Variants in SUMF1 observed in about 807,000 individuals in gnomAD.
SUMF1 encodes formylglycine-generating enzyme.
Under a neutral mutation model 47.6 loss-of-function variants are expected in SUMF1, and 48 were observed. The observed-to-expected ratio is 1.01, with a 90% CI of 0.80 to 1.28. SUMF1 has a LOEUF of 1.28. SUMF1 is among the 50% of genes most tolerant of loss of function. The probability of loss-of-function intolerance (pLI) is 0.00; values close to 1 mark genes in which losing one functional copy is unlikely to be tolerated. For missense variants in SUMF1, 571 were observed against 485.4 expected (o/e 1.18, Z -1.66); for synonymous variants, 230 against 192.1 (o/e 1.20, Z -1.63).
intron 8 of SUMF1, among the ~76,000 whole-genome samples, chr3:4,166,731 T>C (rs1694715280): frequency 6.6e-6 from 1 of 151,848 alleles, no homozygotes; most frequent in South Asian, 2.1e-4. Context: ...ACTTTAAGAG[T>C]TCCACTTATG....
intron 8 of SUMF1, among the ~76,000 whole-genome samples, chr3:4,151,821 A>T (rs933412189): frequency 1.3e-5 from 2 of 151,450 alleles, no homozygotes; most frequent in South Asian, 2.1e-4. Context: ...GGGTTAGACA[A>T]GCTTGATATA....
intron 8 of SUMF1, among the ~76,000 whole-genome samples, chr3:4,288,680 C>A (rs918783100): frequency 2.0e-5 from 3 of 152,020 alleles, no homozygotes; most frequent in Non-Finnish European, 4.4e-5. Context: ...CACCTGTAAT[C>A]CCAGCTACTC....
chr3:4,374,032 C>A (rs1297271818), intron 8 of SUMF1, among the ~76,000 whole-genome samples: 1 of 152,098 alleles, frequency 6.6e-6, no homozygotes, highest in Non-Finnish European at 1.5e-5. Flanking sequence ...AAAAAACTTT[C>A]TCAAGCTGTA....
rs780942634 is a variant in SUMF1 at position 4,313,504 on chromosome 3, G to A, written c.1014+62826C>T. On this transcript the variant is annotated intron_variant and NMD_transcript_variant, in intron 8 of 12. Coordinates refer to the SUMF1 transcript ENST00000448413. ...TTTTGCAGCCAAAGATATTGTGCCAGAAGAAGAACTCTCTTATGATTATTC... is the reference window on the plus strand; with the variant it reads ...TTTTGCAGCCAAAGATATTGTGCCAAAAGAAGAACTCTCTTATGATTATTC... 18 of 1,613,636 alleles carry A rather than the reference G, an allele frequency of 1.1e-5. No homozygotes were observed. The highest frequency in any genetic ancestry group is 1.6e-4 in the Middle Eastern group (1 of 6,080).
intron 8 of SUMF1, among the ~76,000 whole-genome samples, chr3:4,336,606 T>C (rs1398344889): frequency 6.6e-6 from 1 of 152,244 alleles, no homozygotes; most frequent in Non-Finnish European, 1.5e-5. Context: ...CAACACAATT[T>C]ATGATTTTGC....
At chr3:4,273,685 A>G (rs1364947010) in intron 8 of SUMF1, among the ~76,000 whole-genome samples, 5 of 136,448 alleles carry the variant, frequency 3.7e-5, no homozygotes, top group Non-Finnish European at 7.8e-5. Context: ...AGAAAGAAGG[A>G]AGGGAGGGAG....
In SUMF1 at chr3:4,377,227, A is replaced by C. The variant is rs191791194; in HGVS notation, c.955-838T>G. ...CTTTATTAAGATATAATTAATATAC[A>C]GTAAAATTCATCCTTTTTAAGTGCA... On this transcript the variant is annotated intron_variant, in intron 7 of 8. Coordinates refer to ENST00000272902, the MANE Select transcript of SUMF1 (RefSeq NM_182760.4). 1.1e-4 allele frequency among the ~76,000 whole-genome samples: 16 copies of C among 152,352 alleles called. No homozygotes were observed. The East Asian group carries it at 2.7e-3, about 26-fold the overall frequency.
chr3:4,213,325 C>G (rs1185796721), intron 8 of SUMF1, among the ~76,000 whole-genome samples: 1 of 151,862 alleles, frequency 6.6e-6, no homozygotes, highest in African/African-American at 2.4e-5. Context: ...CTTCATAAGC[C>G]AAGGAGAAAT....
rs61296884 is a variant in SUMF1, at chr3:4,442,638, G to GAAAAAAAA, written c.519+6620_519+6627dup. On this transcript the variant is annotated intron_variant, in intron 3 of 8. Transcript: ENST00000272902. ...AAATAGAGGGACAAGAGAGAAAAAG[G>GAAAAAAAA]AAAAAAAAAAAAAAGAGAGAGAAAA... Among the ~76,000 whole-genome samples the GAAAAAAAA allele has an allele frequency of 1.5e-3, 94 of 61,306 alleles. 3 individuals carry two copies. The highest frequency in any genetic ancestry group is 4.2e-3 in the African/African-American group (91 of 21,902). 40.2% of individuals were successfully genotyped at this position (61,306 alleles called of 152,430 possible).
At chr3:4,358,408 A>T (rs1371267743), downstream of SUMF1, among the ~76,000 whole-genome samples, 4 of 152,234 alleles carry the variant, frequency 2.6e-5, no homozygotes, top group Non-Finnish European at 4.4e-5. Context: ...TGCAACTGGC[A>T]CATCGACCAA....
intron 8 of SUMF1, among the ~76,000 whole-genome samples, chr3:4,305,663 T>C (rs2125075652): frequency 6.6e-6 from 1 of 152,258 alleles, no homozygotes; most frequent in Non-Finnish European, 1.5e-5. Flanking sequence ...TGTTATTTGA[T>C]GTTATGCCAG....
intron 7 of SUMF1, among the ~76,000 whole-genome samples, chr3:4,387,197 A>G (rs2124910493): frequency 6.6e-6 from 1 of 152,082 alleles, no homozygotes; most frequent in African/African-American, 2.4e-5. Flanking sequence ...TGTCTAGTAA[A>G]ATTCTTCAAT....
intron 8 of SUMF1, among the ~76,000 whole-genome samples, chr3:4,276,617 T>C (rs908721574): frequency 2.0e-5 from 3 of 152,166 alleles, no homozygotes; most frequent in Non-Finnish European, 4.4e-5. Context: ...CCCCACAATT[T>C]ATTATTGCAA....
intron 8 of SUMF1, among the ~76,000 whole-genome samples, chr3:4,290,901 T>C (rs1697728679): frequency 1.3e-5 from 2 of 152,270 alleles, no homozygotes; most frequent in South Asian, 4.1e-4. Context: ...GGTAGGTGCA[T>C]TTACAAAATG....
chr3:4,422,136 CTTCT>C (rs747142716), intron 3 of SUMF1, among the ~76,000 whole-genome samples: 137 of 152,240 alleles, frequency 9.0e-4, no homozygotes, highest in Admixed American at 5.0e-3. Flanking sequence ...AGAGGCATGG[CTTCT>C]TTCTATTTCA....
chr3:4,326,290 C>T (rs1698943583), intron 8 of SUMF1, among the ~76,000 whole-genome samples: 1 of 152,106 alleles, frequency 6.6e-6, no homozygotes, highest in Non-Finnish European at 1.5e-5. Context: ...TTTAAATTGG[C>T]TTTGCTGGAA....
At chr3:4,258,118 G>A (rs1421171463) in intron 8 of SUMF1, among the ~76,000 whole-genome samples, 1 of 149,670 alleles carries the variant, frequency 6.7e-6, no homozygotes, top group African/African-American at 2.5e-5. Context: ...AATTCAAGAT[G>A]GATTAAAGAT....
rs1003116231 is a variant in SUMF1, at chr3:4,139,893, T to C, written c.1015-71148A>G. ...AGACTACAGAGTTTATTTGGGCTAT[T>C]TGAACACATGCTCTTGGCATACGTA... is the stretch of plus-strand genomic sequence containing the variant. On this transcript the variant is annotated intron_variant and NMD_transcript_variant, in intron 8 of 12. Transcript: ENST00000448413. Among the ~76,000 whole-genome samples, 34 of 152,038 alleles carry C rather than the reference T, an allele frequency of 2.2e-4. 1 individual carries two copies. The highest frequency in any genetic ancestry group is 6.6e-5 in the Admixed American group (1 of 15,258).
At chr3:4,341,472 A>AT (rs1009505628) in intron 8 of SUMF1, among the ~76,000 whole-genome samples, 19 of 151,152 alleles carry the variant, frequency 1.3e-4, no homozygotes, top group South Asian at 2.1e-4. Flanking sequence ...GCTTTTCTTT[A>AT]TTTTTTTTTA....
Sources: allele counts gnomAD v4.1 joint callset (sites outside exome capture counted in the v4.1 genomes callset), GRCh38; gene constraint gnomAD v4.1.1; transcripts MANE v1.5; gene names NCBI Gene and HGNC (gene_info 2026-07-23, HGNC 2026-07-21).